ABHD12: variants seen among roughly 807,000 people sequenced by gnomAD.
The protein encoded by ABHD12 is abhydrolase domain containing 12, lysophospholipase, also known as lysophosphatidylserine lipase ABHD12.
In ABHD12, 43 loss-of-function variants were observed where a neutral mutation model predicts 58.3. The ratio of observed to expected loss-of-function variants is 0.74; its 90% CI spans 0.58 to 0.95. The LOEUF (loss-of-function observed/expected upper bound fraction) is 0.95, where lower values mean the gene tolerates loss of function less well. ABHD12 is among the 40% of genes least tolerant of loss of function. The pLI is 0.00. For synonymous variants in ABHD12, 219 were observed against 211.2 expected (o/e 1.04, Z -0.32); for missense variants, 539 against 537.2 (o/e 1.00, Z -0.03).
intron 2 of ABHD12, among the ~76,000 whole-genome samples, chr20:25,336,879 G>A (rs1420496487): frequency 6.6e-6 from 1 of 152,172 alleles, no homozygotes; most frequent in Non-Finnish European, 1.5e-5. Flanking sequence ...CAGATGCCCA[G>A]GGGGGTGAGG....
At chr20:25,326,059 A>G (rs2089169815) in intron 2 of ABHD12, among the ~76,000 whole-genome samples, 1 of 141,542 alleles carries the variant, frequency 7.1e-6, no homozygotes, top group Admixed American at 7.2e-5. Flanking sequence ...TGAAAGAGTG[A>G]GACTCTGTCC....
chr20:25,334,750 A>T (rs1407791551), intron 2 of ABHD12, among the ~76,000 whole-genome samples: 15 of 150,092 alleles, frequency 1.0e-4, no homozygotes, highest in African/African-American at 3.4e-4. Flanking sequence ...CTGGCTAGCC[A>T]TATGTAGAAA....
intron 1 of ABHD12, among the ~76,000 whole-genome samples, chr20:25,367,449 G>C (rs750779889): frequency 3.3e-5 from 5 of 152,020 alleles, no homozygotes; most frequent in Non-Finnish European, 7.4e-5. Context: ...CCATTTTCAC[G>C]TGTACAGTTC....
At position 25,372,929 on chromosome 20, in the gene ABHD12, A is replaced by AT. The variant is rs551428347; in HGVS notation, c.191+17583dup. ...AGGCTCCAATCATGGTAAGTGCCCT[A>AT]TACTGTACTGTTTTTTATCTTTTAT... On this transcript the variant is annotated intron_variant, in intron 1 of 12. Transcript: ENST00000339157. Among the ~76,000 whole-genome samples the AT allele has an allele frequency of 1.6e-4, 24 of 152,304 alleles. No individual in the cohort carries two copies. The South Asian group carries it at 4.8e-3, about 30-fold the overall frequency.
intron 12 of ABHD12, among the ~76,000 whole-genome samples, chr20:25,301,266 A>G (rs1391652861): frequency 6.6e-6 from 1 of 152,226 alleles, no homozygotes; most frequent in Admixed American, 6.5e-5. Context: ...AAAGGGACAC[A>G]GTTTTGCCTC....
At position 25,390,622 on chromosome 20, in the gene ABHD12, C is replaced by T. The variant is rs944019336; in HGVS notation, c.82G>A (p.Ala28Thr). The change falls in exon 1 of 13, where the codon GCG (alanine) becomes ACG (threonine). Residue 28 changes from alanine to threonine, a missense_variant. Physicochemically the swap from Ala to Thr is moderately conservative, Grantham distance 58 (BLOSUM62 0). Transcript: ENST00000339157. The part of the protein sequence containing the change: ...AGSSSSGSAA[A>T]ALDADCRLKQ... The stretch of plus-strand genomic sequence containing the variant: ...AGGCGGCAGTCGGCGTCCAGCGCCG[C>T]GGCGGCCGAGCCGGAGGAGGACGAG... 2.1e-6 allele frequency: 3 copies of T among 1,460,658 alleles called. No individual in the cohort carries two copies. The highest frequency in any genetic ancestry group is 3.0e-5 in the African/African-American group (2 of 67,626). 90.5% of individuals were successfully genotyped at this position (1,460,658 alleles called of 1,614,324 possible). A position where few individuals can be genotyped will look rare whatever the true frequency, so the allele number is the denominator to read the frequency against.
chr20:25,307,882 T>G (rs2088774136), intron 9 of ABHD12, 84 bp downstream of exon 9: 1 of 566,470 alleles, frequency 1.8e-6, no homozygotes, highest in East Asian at 3.1e-5. Context: ...TTTTTAATAA[T>G]TATTATAATG....
intron 1 of ABHD12, among the ~76,000 whole-genome samples, chr20:25,373,592 T>C (rs577028071): frequency 2.6e-5 from 4 of 152,054 alleles, no homozygotes; most frequent in African/African-American, 9.6e-5. Context: ...ACTGAATTCT[T>C]ACTTACTTTT....
intron 1 of ABHD12, among the ~76,000 whole-genome samples, chr20:25,340,611 C>T (rs903348451): frequency 1.3e-5 from 2 of 152,238 alleles, no homozygotes; most frequent in South Asian, 2.1e-4. Context: ...TGCCATATGA[C>T]TCTAAACCTA....
At chr20:25,348,339 CA>C (rs2089548524) in intron 1 of ABHD12, among the ~76,000 whole-genome samples, 1 of 148,998 alleles carries the variant, frequency 6.7e-6, no homozygotes, top group Non-Finnish European at 1.5e-5. Context: ...AATCAGGGAT[CA>C]AAAAGGTCAG....
At chr20:25,347,712 C>T (rs947839132) in intron 1 of ABHD12, among the ~76,000 whole-genome samples, 1 of 151,784 alleles carries the variant, frequency 6.6e-6, no homozygotes, top group Non-Finnish European at 1.5e-5. Flanking sequence ...GCCTGTGGTC[C>T]CAGCTACTTA....
chr20:25,309,714 C>A lies in ABHD12; in HGVS notation c.620-139G>T, dbSNP rs1474916767. The stretch of plus-strand genomic sequence containing the variant: ...GCCCACCCTTCCAGAGTCCACAGAC[C>A]CACCCAGGCCACTGGGCAGAGCAAG... On this transcript the variant is annotated intron_variant, in intron 6 of 12. Transcript: ENST00000339157. The A allele has an allele frequency of 1.1e-5, 14 of 1,220,528 alleles. No homozygotes were observed. The East Asian group carries it at 3.2e-4, about 28-fold the overall frequency. 75.6% of individuals were successfully genotyped at this position (1,220,528 alleles called of 1,614,324 possible). A position where few individuals can be genotyped will look rare whatever the true frequency, so the allele number is the denominator to read the frequency against.
intron 2 of ABHD12, among the ~76,000 whole-genome samples, chr20:25,334,614 T>C (rs1782669538): frequency 1.3e-5 from 2 of 151,664 alleles, no homozygotes; most frequent in African/African-American, 4.8e-5. Flanking sequence ...GAGATATAGA[T>C]CAATGGAACA....
chr20:25,373,573 C>T (rs906423456), intron 1 of ABHD12, among the ~76,000 whole-genome samples: 6 of 151,922 alleles, frequency 3.9e-5, no homozygotes, highest in Admixed American at 2.6e-4. Flanking sequence ...AAAATAAAGA[C>T]GTTGCTTCAC....
At chr20:25,356,632 G>A (rs1047880590) in intron 1 of ABHD12, among the ~76,000 whole-genome samples, 10 of 152,252 alleles carry the variant, frequency 6.6e-5, no homozygotes, top group Non-Finnish European at 1.3e-4. Flanking sequence ...GGGGGAGGAA[G>A]AGAGGGCTGG....
chr20:25,308,802 C>T (rs2088795274), intron 7 of ABHD12, among the ~76,000 whole-genome samples: 1 of 152,234 alleles, frequency 6.6e-6, no homozygotes, highest in African/African-American at 2.4e-5. Context: ...TGGCCAGCGT[C>T]TGCCTGCACC....
At chr20:25,385,252 G>A (rs1416073424) in intron 1 of ABHD12, among the ~76,000 whole-genome samples, 6 of 145,610 alleles carry the variant, frequency 4.1e-5, no homozygotes, top group African/African-American at 5.1e-5. Flanking sequence ...CAGGAAAATC[G>A]CTTGAAACTG....
intron 1 of ABHD12, among the ~76,000 whole-genome samples, chr20:25,376,803 C>CT (rs1222816853): frequency 6.6e-6 from 1 of 152,056 alleles, no homozygotes; most frequent in Admixed American, 6.5e-5. Context: ...GACATACTTG[C>CT]TAAATGGATG....
chr20:25,376,974 G>A (rs1459144136), intron 1 of ABHD12, among the ~76,000 whole-genome samples: 1 of 152,234 alleles, frequency 6.6e-6, no homozygotes, highest in Non-Finnish European at 1.5e-5. Context: ...CAGAGTGAGA[G>A]AGAGAGGGCC....
Sources: gnomAD v4.1 joint callset for allele counts (sites outside exome capture counted in the v4.1 genomes callset) on GRCh38, gnomAD v4.1.1 for gene constraint, MANE v1.5 for transcripts, NCBI Gene and HGNC (gene_info 2026-07-23, HGNC 2026-07-21) for gene names.